MYLK4: variants seen among roughly 807,000 people sequenced by gnomAD.
MYLK4 encodes myosin light chain kinase family member 4.
MYLK4 carries 46 observed loss-of-function variants against 48.1 expected under a neutral mutation model. The observed-to-expected ratio is 0.96, with a 90% CI of 0.75 to 1.22. The LOEUF is 1.22. Among genes scored for constraint, MYLK4 ranks in the 50% most tolerant of loss-of-function variants. The pLI is 0.00. For missense variants in MYLK4, 451 were observed against 486.1 expected (o/e 0.93, Z 0.68); for synonymous variants, 170 against 180.8 (o/e 0.94, Z 0.48).
intron 6 of MYLK4, among the ~76,000 whole-genome samples, chr6:2,683,391 TTGTGTGTGTGTGTGTGTGTGTGTG>T (rs67359849): frequency 7.9e-6 from 1 of 126,584 alleles, no homozygotes; most frequent in African/African-American, 2.9e-5. Context: ...CCCCACCTTT[TTGTGTGTGTGTGTGTGTGTGTGTG>T]TGTGTGTGTG....
chr6:2,740,497 C>T (rs1763863853), intron 2 of MYLK4, among the ~76,000 whole-genome samples: 1 of 152,236 alleles, frequency 6.6e-6, no homozygotes, highest in Admixed American at 6.5e-5. Flanking sequence ...TGCCAATTGC[C>T]TGCTTCAGTC....
At chr6:2,722,366 A>G (rs998969726) in intron 2 of MYLK4, among the ~76,000 whole-genome samples, 1 of 152,246 alleles carries the variant, frequency 6.6e-6, no homozygotes, top group Non-Finnish European at 1.5e-5. Context: ...AGCAAGAAAT[A>G]AAAATTTATA....
chr6:2,677,132 C>T (rs1309941369), intron 10 of MYLK4, among the ~76,000 whole-genome samples: 4 of 152,120 alleles, frequency 2.6e-5, no homozygotes, highest in African/African-American at 9.7e-5. Flanking sequence ...TAAGGATGGC[C>T]TTATCTTTGT....
At chr6:2,740,267 C>G (rs9501884) in intron 2 of MYLK4, among the ~76,000 whole-genome samples, 8 of 152,092 alleles carry the variant, frequency 5.3e-5, no homozygotes, top group Non-Finnish European at 7.4e-5. Context: ...TGCTCTCCCC[C>G]ACCTCTGCTC....
At chr6:2,733,936 G>A (rs1295649596) in intron 2 of MYLK4, among the ~76,000 whole-genome samples, 2 of 151,920 alleles carry the variant, frequency 1.3e-5, no homozygotes, top group African/African-American at 2.4e-5. Context: ...TCTCATCCCC[G>A]ATACATAAAT....
intron 4 of MYLK4, among the ~76,000 whole-genome samples, chr6:2,687,288 A>G: frequency 6.6e-6 from 1 of 152,252 alleles, no homozygotes; most frequent in Admixed American, 6.5e-5. Flanking sequence ...TTTTGAAGGC[A>G]TCCACGCACA....
intron 2 of MYLK4, among the ~76,000 whole-genome samples, chr6:2,725,603 G>GAAAC (rs369948027): frequency 4.8e-5 from 7 of 145,274 alleles, no homozygotes; most frequent in Admixed American, 3.4e-4. Context: ...AAGAAAGAAA[G>GAAAC]AAACAAACAA....
intron 2 of MYLK4, among the ~76,000 whole-genome samples, chr6:2,696,311 C>T (rs1172789633): frequency 6.6e-6 from 1 of 152,158 alleles, no homozygotes; most frequent in Non-Finnish European, 1.5e-5. Context: ...CAATTTATTC[C>T]ATTCCTTATG....
chr6:2,705,148 T>C (rs1762439687), intron 2 of MYLK4, among the ~76,000 whole-genome samples: 1 of 152,220 alleles, frequency 6.6e-6, no homozygotes, highest in South Asian at 2.1e-4. Context: ...AGATGCTTGT[T>C]TGGGTGGCTG....
At chr6:2,694,080 G>GCAGGGGGC (rs1761922438) in intron 2 of MYLK4, among the ~76,000 whole-genome samples, 1 of 152,166 alleles carries the variant, frequency 6.6e-6, no homozygotes, top group African/African-American at 2.4e-5. Context: ...TTTACACAAT[G>GCAGGGGGC]CAGGGGGCAG....
At chr6:2,675,450 AAAAT>A (rs1240526411) in intron 10 of MYLK4, among the ~76,000 whole-genome samples, 1 of 152,238 alleles carries the variant, frequency 6.6e-6, no homozygotes, top group African/African-American at 2.4e-5. Flanking sequence ...AGTCAGTTGA[AAAAT>A]AAATATATAT....
chr6:2,754,365 G>T, upstream of MYLK4, among the ~76,000 whole-genome samples: 1 of 151,984 alleles, frequency 6.6e-6, no homozygotes, highest in East Asian at 1.9e-4. Flanking sequence ...TGAAATACTG[G>T]TATCTACTAC....
chr6:2,731,381 G>A (rs1763474363), intron 2 of MYLK4, among the ~76,000 whole-genome samples: 1 of 152,182 alleles, frequency 6.6e-6, no homozygotes, highest in African/African-American at 2.4e-5. Flanking sequence ...CTCTAGGTAG[G>A]CAGGTCTGAA....
At position 2,749,208 on chromosome 6, in the gene MYLK4, T is replaced by C; in HGVS notation, c.87A>G (p.Glu29=). The C allele has an allele frequency of 6.2e-7, 1 of 1,614,098 alleles. No individual in the cohort carries two copies. The highest frequency in any genetic ancestry group is 8.5e-7 in the Non-Finnish European group (1 of 1,179,946). ...GAAAACACTTCACTTTCTCCACCTC[T>C]TCCCTGCACTGAAAAAAGGCCATTT... is the stretch of plus-strand genomic sequence containing the variant. ...LEKMAFFQCR[E]EVEKVKCFLE... Residue 29 remains glutamate (E), a synonymous_variant, in exon 2 of 13, where the codon GAA becomes GAG. Transcript: ENST00000274643.
rs1561878016 is a variant in MYLK4 at position 2,737,982 on chromosome 6, GGGGGGGGGGT to G, written c.159+11144_159+11153del. On this transcript the variant is annotated intron_variant, in intron 2 of 12. Coordinates refer to ENST00000274643, the MANE Select transcript of MYLK4 (RefSeq NM_001012418.5). The stretch of plus-strand genomic sequence containing the variant: ...TGGGGGTGGGGTGCCGGGGGCGGGT[GGGGGGGGGGT>G]GGTCAATGTTATTAACCCCAGATGA... 8.3e-5 allele frequency among the ~76,000 whole-genome samples: 5 copies of G among 60,048 alleles called. 1 individual carries two copies. Among genetic ancestry groups the G allele is most frequent in the African/African-American group, 2.3e-4 (5 of 21,834 alleles). 39.4% of individuals were successfully genotyped at this position (60,048 alleles called of 152,430 possible).
the MYLK4 span, among the ~76,000 whole-genome samples, chr6:2,763,843 C>G: frequency 7.8e-6 from 1 of 127,728 alleles, no homozygotes; most frequent in African/African-American, 2.9e-5. Flanking sequence ...TGCTGAGGGA[C>G]AAATGAAAAA....
At chr6:2,743,190 A>G (rs1046926319) in intron 2 of MYLK4, among the ~76,000 whole-genome samples, 5 of 152,222 alleles carry the variant, frequency 3.3e-5, no homozygotes, top group African/African-American at 1.2e-4. Context: ...AAACACCGCC[A>G]TAAACCCACC....
At chr6:2,726,551 G>A (rs1763280784) in intron 2 of MYLK4, among the ~76,000 whole-genome samples, 1 of 151,866 alleles carries the variant, frequency 6.6e-6, no homozygotes, top group Middle Eastern at 3.4e-3. Context: ...TGAGAAGCCA[G>A]GGAACTCCAA....
At chr6:2,737,894 T>C (rs1252461626) in intron 2 of MYLK4, among the ~76,000 whole-genome samples, 3 of 119,466 alleles carry the variant, frequency 2.5e-5, no homozygotes, top group African/African-American at 8.6e-5. Flanking sequence ...GTTTTGTTCA[T>C]GTAGCTTTTT....
Sources: gnomAD v4.1 joint callset for allele counts (sites outside exome capture counted in the v4.1 genomes callset) on GRCh38, gnomAD v4.1.1 for gene constraint, MANE v1.5 for transcripts, NCBI Gene and HGNC (gene_info 2026-07-23, HGNC 2026-07-21) for gene names.